The following DLG2 variants were observed in gnomAD, a reference collection of about 807,000 sequenced individuals.
The protein encoded by DLG2 is discs large MAGUK scaffold protein 2, also known as disks large homolog 2.
In DLG2, 45 loss-of-function variants were observed where a neutral mutation model predicts 132.5. That is an observed-to-expected ratio of 0.34 (90% CI 0.27 to 0.44). DLG2 has a LOEUF of 0.44. DLG2 is among the 20% of genes least tolerant of loss of function. DLG2 has a pLI of 1.00. For synonymous variants in DLG2, 424 were observed against 419.6 expected (o/e 1.01, Z -0.13); for missense variants, 1,045 against 1,196.9 (o/e 0.87, Z 1.87).
chr11:84,142,322 A>G (rs76778910), intron 9 of DLG2, among the ~76,000 whole-genome samples: 1 of 147,934 alleles, frequency 6.8e-6, no homozygotes, highest in African/African-American at 2.5e-5. Flanking sequence ...TCCATCTCAA[A>G]AAAAAAAAAA....
At chr11:84,603,460 T>G (rs893408548) in intron 6 of DLG2, among the ~76,000 whole-genome samples, 1 of 152,038 alleles carries the variant, frequency 6.6e-6, no homozygotes, top group Admixed American at 6.6e-5. Context: ...GGTATGCATC[T>G]GCATCACCTC....
intron 7 of DLG2, among the ~76,000 whole-genome samples, chr11:84,322,564 T>C (rs1357523879): frequency 6.6e-6 from 1 of 150,968 alleles, no homozygotes; most frequent in Non-Finnish European, 1.5e-5. Flanking sequence ...TTTAAAATAA[T>C]ATAAGCCAAA....
intron 6 of DLG2, among the ~76,000 whole-genome samples, chr11:84,590,292 C>G (rs1318395680): frequency 6.6e-6 from 1 of 152,186 alleles, no homozygotes; most frequent in South Asian, 2.1e-4. Context: ...CAGCAAGCCC[C>G]AAGAGATCCC....
At chr11:84,621,596 A>G (rs1264670340) in intron 6 of DLG2, among the ~76,000 whole-genome samples, 1 of 152,214 alleles carries the variant, frequency 6.6e-6, no homozygotes, top group Non-Finnish European at 1.5e-5. Flanking sequence ...CTAAGAGGTC[A>G]CCAATAAGAT....
intron 7 of DLG2, among the ~76,000 whole-genome samples, chr11:84,328,438 A>G (rs943397181): frequency 2.6e-5 from 4 of 152,182 alleles, no homozygotes; most frequent in African/African-American, 9.7e-5. Context: ...AAGTAAATAT[A>G]AATGGACATT....
chr11:84,330,832 A>G (rs1355525021), intron 7 of DLG2, among the ~76,000 whole-genome samples: 1 of 152,184 alleles, frequency 6.6e-6, no homozygotes, highest in East Asian at 1.9e-4. Context: ...TTTCATTTCT[A>G]GGTATGAATA....
intron 6 of DLG2, among the ~76,000 whole-genome samples, chr11:84,656,707 C>T (rs138239401): frequency 7.3e-4 from 111 of 152,174 alleles, no homozygotes; most frequent in Middle Eastern, 3.4e-3. Flanking sequence ...CACTCACTAA[C>T]GAAGTCACCT....
intron 18 of DLG2, among the ~76,000 whole-genome samples, chr11:83,636,522 C>T (rs151001408): frequency 2.0e-5 from 3 of 152,012 alleles, no homozygotes; most frequent in African/African-American, 7.2e-5. Context: ...ATTCTAATTC[C>T]AAGGCTTTAT....
rs565151248 is a variant in DLG2, at chr11:84,136,280, T to G, written c.624+27181A>C. 7.9e-5 allele frequency among the ~76,000 whole-genome samples: 12 copies of G among 152,274 alleles called. No individual in the cohort carries two copies. In the South Asian group the frequency reaches 2.3e-3, roughly 29 times the overall value. On this transcript the variant is annotated intron_variant, in intron 9 of 27. Coordinates refer to ENST00000376104, the MANE Select transcript of DLG2 (RefSeq NM_001142699.3). ...ATGACTTTCATAGAAGTTATCAAAA[T>G]AGTAGGGATGAATTCTGACCCTACC...
chr11:84,529,988 G>T (rs112979957), intron 7 of DLG2, among the ~76,000 whole-genome samples: 4 of 152,168 alleles, frequency 2.6e-5, no homozygotes, highest in African/African-American at 9.6e-5. Flanking sequence ...CAATAATGCT[G>T]CACACCGACG....
At chr11:84,566,692 G>A (rs1428707170) in intron 6 of DLG2, among the ~76,000 whole-genome samples, 3 of 152,202 alleles carry the variant, frequency 2.0e-5, no homozygotes, top group Non-Finnish European at 4.4e-5. Flanking sequence ...TAAGAGAAGT[G>A]TGTTTAAACT....
chr11:83,790,128 G>C, intron 17 of DLG2: 1 of 884,082 alleles, frequency 1.1e-6, no homozygotes, highest in South Asian at 1.7e-5. Context: ...AGTCTGACAA[G>C]GTAAGTTGCA....
intron 7 of DLG2, among the ~76,000 whole-genome samples, chr11:84,385,229 C>G (rs1186737178): frequency 6.6e-6 from 1 of 151,928 alleles, no homozygotes; most frequent in Non-Finnish European, 1.5e-5. Context: ...TTTTTTTAAT[C>G]TCTTTAAAGA....
rs191671741 is a variant in DLG2 at position 83,965,999 on chromosome 11, A to G, written c.1057-531T>C. Among the ~76,000 whole-genome samples the G allele has an allele frequency of 2.0e-5, 3 of 152,142 alleles. No homozygotes were observed. In the East Asian group the frequency reaches 5.8e-4, roughly 29 times the overall value. ...GCATTATGTTGCATGACTACAGTAT[A>G]ATGATCTAACCAGTTTCTTACTAGC... is the stretch of plus-strand genomic sequence containing the variant. On this transcript the variant is annotated intron_variant, in intron 12 of 27. Transcript: ENST00000376104.
At chr11:84,530,068 G>T (rs1484483965) in intron 7 of DLG2, among the ~76,000 whole-genome samples, 1 of 152,154 alleles carries the variant, frequency 6.6e-6, no homozygotes. Context: ...AATAAATGGT[G>T]CTGGGACAAC....
intron 6 of DLG2, among the ~76,000 whole-genome samples, chr11:84,536,844 C>T (rs1253707779): frequency 2.0e-5 from 3 of 152,112 alleles, no homozygotes; most frequent in Non-Finnish European, 4.4e-5. Context: ...TTCCCATACC[C>T]CCACCAACAC....
intron 6 of DLG2, among the ~76,000 whole-genome samples, chr11:84,648,311 C>T (rs1288419186): frequency 6.6e-6 from 1 of 152,174 alleles, no homozygotes; most frequent in Admixed American, 6.5e-5. Context: ...GATTTTACCA[C>T]TAGTGCAAAG....
At chr11:83,622,224 G>A (rs749814896) in intron 19 of DLG2, among the ~76,000 whole-genome samples, 3 of 152,122 alleles carry the variant, frequency 2.0e-5, no homozygotes, top group Non-Finnish European at 1.5e-5. Context: ...CACCATGCCC[G>A]GCTTTGCTAT....
chr11:84,978,246 A>T (rs546494800), intron 6 of DLG2, among the ~76,000 whole-genome samples: 1 of 152,230 alleles, frequency 6.6e-6, no homozygotes, highest in African/African-American at 2.4e-5. Context: ...GACGTTTAAA[A>T]ACTAGGCTTT....
Sources: allele counts gnomAD v4.1 joint callset (sites outside exome capture counted in the v4.1 genomes callset), GRCh38; gene constraint gnomAD v4.1.1; transcripts MANE v1.5; gene names NCBI Gene and HGNC (gene_info 2026-07-23, HGNC 2026-07-21).